HNF1B: variants seen among roughly 807,000 people sequenced by gnomAD.
HNF1B encodes the protein HNF1 homeobox B.
A neutral mutation model predicts 61.7 loss-of-function variants in HNF1B; 8 were observed. The observed-to-expected ratio is 0.13, with a 90% confidence interval of 0.08 to 0.23. The LOEUF is 0.23. Among genes scored for constraint, HNF1B ranks in the 10% least tolerant of loss-of-function variants. HNF1B has a pLI of 1.00. For synonymous variants in HNF1B, 314 were observed against 287.7 expected (o/e 1.09, Z -0.93); for missense variants, 562 against 714.5 (o/e 0.79, Z 2.43).
chr17:37,735,429 G>C (rs191142119), intron 2 of HNF1B, among the ~76,000 whole-genome samples: 150 of 152,368 alleles, frequency 9.8e-4, no homozygotes, highest in African/African-American at 3.5e-3. Context: ...TGCAGGTGGT[G>C]TTGGGCTTTG....
intron 4 of HNF1B, among the ~76,000 whole-genome samples, chr17:37,711,283 C>T (rs1402736822): frequency 1.3e-5 from 2 of 152,208 alleles, no homozygotes; most frequent in Non-Finnish European, 2.9e-5. Context: ...CGTCTAGGAG[C>T]TAGGCTGTAG....
chr17:37,745,002 G>A lies in HNF1B; in HGVS notation c.-118C>T. 1 of 864,976 alleles carries A rather than the reference G, an allele frequency of 1.2e-6. No individual in the cohort carries two copies. The highest frequency in any genetic ancestry group is 1.8e-6 in the Non-Finnish European group (1 of 551,930). 53.6% of individuals were successfully genotyped at this position (864,976 alleles called of 1,614,324 possible). A position where few individuals can be genotyped will look rare whatever the true frequency, so the allele number is the denominator to read the frequency against. On this transcript the variant is annotated 5_prime_UTR_variant, in exon 1 of 9. Coordinates refer to ENST00000617811, the MANE Select transcript of HNF1B (RefSeq NM_000458.4). ...GAACCCCTCCACCCTTCAGCCTCCA[G>A]ACACCTGTTACTCCCCGGGGTCCCG... is the stretch of plus-strand genomic sequence containing the variant.
chr17:37,742,580 C>T (rs1381869367), intron 1 of HNF1B, among the ~76,000 whole-genome samples: 1 of 152,160 alleles, frequency 6.6e-6, no homozygotes, highest in Non-Finnish European at 1.5e-5. Flanking sequence ...GGAAAGGCAG[C>T]ACCCGCTCGG....
chr17:37,741,320 T>A (rs2033986073), intron 1 of HNF1B, among the ~76,000 whole-genome samples: 1 of 152,242 alleles, frequency 6.6e-6, no homozygotes, highest in South Asian at 2.1e-4. Flanking sequence ...GATATTAAAC[T>A]CGTGAGAACA....
chr17:37,744,954 T>A lies in HNF1B; in HGVS notation c.-70A>T. 1 of 1,344,198 alleles carries A rather than the reference T, an allele frequency of 7.4e-7. No individual in the cohort carries two copies. The highest frequency in any genetic ancestry group is 1.0e-6 in the Non-Finnish European group (1 of 959,364). 83.3% of individuals were successfully genotyped at this position (1,344,198 alleles called of 1,614,324 possible). A position where few individuals can be genotyped will look rare whatever the true frequency, so the allele number is the denominator to read the frequency against. ...CGAGAGAGGAGGGTGGAGGGGAGTT[T>A]CACAAGCAAACCCCAAATCCAGGAA... is the stretch of plus-strand genomic sequence containing the variant. On this transcript the variant is annotated 5_prime_UTR_variant, in exon 1 of 9. Transcript: ENST00000617811.
intron 2 of HNF1B, among the ~76,000 whole-genome samples, chr17:37,737,696 G>T (rs1286078983): frequency 6.6e-6 from 1 of 151,612 alleles, no homozygotes; most frequent in Non-Finnish European, 1.5e-5. Context: ...TTAGCCAGGT[G>T]TGGTGGCGGG....
At chr17:37,709,751 G>A (rs1301105013) in intron 5 of HNF1B, among the ~76,000 whole-genome samples, 1 of 152,192 alleles carries the variant, frequency 6.6e-6, no homozygotes, top group African/African-American at 2.4e-5. Flanking sequence ...ACACTGCAGA[G>A]TATTTCTCAA....
At chr17:37,687,556 G>A (rs936472556) in intron 8 of HNF1B, among the ~76,000 whole-genome samples, 164 bp from the exon 9 acceptor site, 2 of 152,172 alleles carry the variant, frequency 1.3e-5, no homozygotes, top group African/African-American at 4.8e-5. Context: ...TTTTCATGCT[G>A]AGGCACACTT....
chr17:37,710,185 T>C (rs1380103635), intron 5 of HNF1B, among the ~76,000 whole-genome samples: 27 of 152,204 alleles, frequency 1.8e-4, no homozygotes, highest in Admixed American at 4.6e-4. Flanking sequence ...TGAATGAACA[T>C]TTTATCAACA....
chr17:37,697,580 G>A (rs1009685480), intron 8 of HNF1B, among the ~76,000 whole-genome samples: 10 of 152,214 alleles, frequency 6.6e-5, no homozygotes, highest in Non-Finnish European at 1.3e-4. Context: ...CTGACCAAGC[G>A]GCAGATGGAT....
At chr17:37,716,003 G>A (rs11263757) in intron 4 of HNF1B, among the ~76,000 whole-genome samples, 21,283 of 151,866 alleles carry the variant, frequency 0.14, 1,544 homozygotes, top group Non-Finnish European at 0.16. Context: ...ATGGTGGTAC[G>A]CGCATTAGCT....
At chr17:37,698,990 G>A in intron 8 of HNF1B, 86 bp downstream of exon 8, 1 of 995,530 alleles carries the variant, frequency 1.0e-6, no homozygotes, top group Non-Finnish European at 1.6e-6. Context: ...TTCTGGCCGA[G>A]TCCATGCTTG....
chr17:37,704,918 T>C lies in HNF1B; in HGVS notation c.1338A>G (p.Gln446=), dbSNP rs776536485. ...TPLSGVMAIA[Q]SLNTSQAQSV... ...TTTCCAACCAAGAATAGAACTTACT[T>C]TGTGCAATTGCCATGACTCCAGAGA... Residue 446 remains glutamine (Q), a splice_region_variant and synonymous_variant, in exon 6 of 9, where the codon CAA becomes CAG. Transcript: ENST00000617811. 1.4e-5 allele frequency: 22 copies of C among 1,613,988 alleles called. No homozygotes were observed. The South Asian group carries it at 2.4e-4, about 18-fold the overall frequency.
At chr17:37,723,111 G>A (rs964315065) in intron 4 of HNF1B, among the ~76,000 whole-genome samples, 3 of 151,758 alleles carry the variant, frequency 2.0e-5, no homozygotes, top group Non-Finnish European at 2.9e-5. Flanking sequence ...AGGCCGAGGC[G>A]GGCAGATCAC....
intron 5 of HNF1B, among the ~76,000 whole-genome samples, chr17:37,706,344 C>T (rs1219079167): frequency 1.3e-5 from 2 of 152,056 alleles, no homozygotes; most frequent in African/African-American, 2.4e-5. Flanking sequence ...TCAGGAACCC[C>T]GAGAGGTGCT....
intron 4 of HNF1B, among the ~76,000 whole-genome samples, chr17:37,718,270 G>C (rs967126303): frequency 6.6e-6 from 1 of 152,194 alleles, no homozygotes; most frequent in African/African-American, 2.4e-5. Flanking sequence ...AACTCTGTGT[G>C]TCCTCCCCCA....
intron 1 of HNF1B, 42 bp downstream of exon 1, chr17:37,744,499 C>T: frequency 6.3e-7 from 1 of 1,590,344 alleles, no homozygotes; most frequent in Non-Finnish European, 8.5e-7. Context: ...GCCGGGGCTC[C>T]AGGGGTTCGG....
At chr17:37,706,915 C>T (rs1295356763) in intron 5 of HNF1B, among the ~76,000 whole-genome samples, 1 of 152,086 alleles carries the variant, frequency 6.6e-6, no homozygotes, top group Non-Finnish European at 1.5e-5. Flanking sequence ...GTAGGGCAGG[C>T]ATTATTACTA....
chr17:37,689,487 A>G (rs971354743), intron 8 of HNF1B, among the ~76,000 whole-genome samples: 1 of 152,252 alleles, frequency 6.6e-6, no homozygotes, highest in Admixed American at 6.5e-5. Flanking sequence ...GTTTGCTCAC[A>G]TAATAAAATG....
Sources: gnomAD v4.1 joint callset for allele counts (sites outside exome capture counted in the v4.1 genomes callset) on GRCh38, gnomAD v4.1.1 for gene constraint, MANE v1.5 for transcripts, NCBI Gene and HGNC (gene_info 2026-07-23, HGNC 2026-07-21) for gene names.